PDLIM5: variants seen among roughly 807,000 people sequenced by gnomAD.
PDLIM5 encodes PDZ and LIM domain protein 5.
A neutral mutation model predicts 64.2 loss-of-function variants in PDLIM5; 34 were observed. The observed-to-expected ratio is 0.53, with a 90% confidence interval of 0.40 to 0.71. The LOEUF (loss-of-function observed/expected upper bound fraction) is 0.71, where lower values mean the gene tolerates loss of function less well. Ranked by LOEUF, PDLIM5 falls within the 30% of genes least tolerant of loss-of-function variation. The pLI is 0.00. For synonymous variants in PDLIM5, 253 were observed against 269.1 expected, an observed-to-expected ratio of 0.94 and a Z score of 0.59; for missense variants, 683 against 733.6, an observed-to-expected ratio of 0.93 and a Z score of 0.80.
chr4:94,567,033 G>C (rs551646336), intron 3 of PDLIM5, among the ~76,000 whole-genome samples: 1 of 152,220 alleles, frequency 6.6e-6, no homozygotes, highest in Non-Finnish European at 1.5e-5. Context: ...TCGCTCTGTC[G>C]CCCAGGCTGG....
At chr4:94,553,243 G>A (rs957636007) in intron 3 of PDLIM5, among the ~76,000 whole-genome samples, 1 of 151,924 alleles carries the variant, frequency 6.6e-6, no homozygotes, top group Non-Finnish European at 1.5e-5. Context: ...TGAGTACCTG[G>A]GATTACAGGT....
At chr4:94,501,795 A>G (rs1356199013) in intron 2 of PDLIM5, among the ~76,000 whole-genome samples, 3 of 152,146 alleles carry the variant, frequency 2.0e-5, no homozygotes, top group Non-Finnish European at 1.5e-5. Flanking sequence ...ATAGACTTCC[A>G]TCATCATTCA....
intron 3 of PDLIM5, among the ~76,000 whole-genome samples, chr4:94,557,814 G>A (rs1447969314): frequency 2.6e-5 from 4 of 152,148 alleles, no homozygotes; most frequent in African/African-American, 2.4e-5. Context: ...GGGCTGAGAC[G>A]ATGGAGTTTT....
intron 3 of PDLIM5, among the ~76,000 whole-genome samples, chr4:94,539,947 C>A (rs886668705): frequency 6.6e-6 from 1 of 151,902 alleles, no homozygotes; most frequent in Non-Finnish European, 1.5e-5. Flanking sequence ...TTTTGAATTT[C>A]ATTTCTAAGT....
chr4:94,665,363 TC>T lies in PDLIM5; in HGVS notation c.*1299del. On this transcript the variant is annotated 3_prime_UTR_variant, in exon 13 of 13. Transcript: ENST00000317968. ...TGGGCATGGTGGGGCGTGCCTGTAG[TC>T]CCATGTACTTGGGAGGCTGAGGCAG... 7.9e-6 allele frequency: 2 copies of T among 251,712 alleles called. No individual in the cohort carries two copies. The highest frequency in any genetic ancestry group is 1.4e-4 in the South Asian group (1 of 7,086). The allele number at this position is 251,712 out of a possible 1,614,324, so 15.6% of individuals were successfully genotyped here.
intron 2 of PDLIM5, chr4:94,456,548 TTC>T: frequency 1.4e-6 from 1 of 719,342 alleles, no homozygotes; most frequent in Non-Finnish European, 2.5e-6. Flanking sequence ...CCTGAGATCA[TTC>T]TCTATTAATA....
intron 3 of PDLIM5, among the ~76,000 whole-genome samples, chr4:94,557,337 T>C (rs572954577): frequency 9.9e-5 from 15 of 152,252 alleles, no homozygotes; most frequent in African/African-American, 3.4e-4. Context: ...AGTCAGGTAG[T>C]GTGATGCCTC....
intron 3 of PDLIM5, among the ~76,000 whole-genome samples, chr4:94,535,777 A>G (rs1421550324): frequency 6.6e-6 from 1 of 151,038 alleles, no homozygotes; most frequent in Non-Finnish European, 1.5e-5. Flanking sequence ...GGAAGTTCTC[A>G]TACCTGCTGT....
chr4:94,465,596 A>T lies in PDLIM5; in HGVS notation c.96+10212A>T, dbSNP rs144882805. Reference sequence around the variant, plus strand: ...TTGTATTTTTCTTTTTTTTCAGTAGAGACGGGGTTTCACCATGTTGGCTAG... The same window carrying T: ...TTGTATTTTTCTTTTTTTTCAGTAGTGACGGGGTTTCACCATGTTGGCTAG... On this transcript the variant is annotated intron_variant, in intron 2 of 12. Transcript: ENST00000317968. Among the ~76,000 whole-genome samples the T allele has an allele frequency of 6.9e-4, 105 of 151,942 alleles. 1 individual carries two copies. Among genetic ancestry groups the T allele is most frequent in the Middle Eastern group, 6.8e-3 (2 of 294 alleles).
intron 3 of PDLIM5, among the ~76,000 whole-genome samples, chr4:94,537,232 C>G (rs1366426829): frequency 1.3e-5 from 2 of 152,162 alleles, no homozygotes; most frequent in African/African-American, 4.8e-5. Context: ...TCAAATACCT[C>G]TCTTACAGTC....
chr4:94,586,518 C>A, intron 7 of PDLIM5, 74 bp downstream of exon 7: 2 of 878,420 alleles, frequency 2.3e-6, no homozygotes, highest in South Asian at 2.9e-5. Flanking sequence ...TTCAAATTGT[C>A]AAGTATAATG....
At chr4:94,623,851 C>A (rs940783594) in intron 8 of PDLIM5, among the ~76,000 whole-genome samples, 2 of 152,180 alleles carry the variant, frequency 1.3e-5, no homozygotes, top group Non-Finnish European at 2.9e-5. Flanking sequence ...AGAAAATAAG[C>A]ATGTTGCTAA....
At chr4:94,512,533 A>G (rs974410580) in intron 2 of PDLIM5, among the ~76,000 whole-genome samples, 2 of 152,126 alleles carry the variant, frequency 1.3e-5, no homozygotes, top group Non-Finnish European at 2.9e-5. Context: ...AGTGTTGAGC[A>G]CCTTTTCATA....
intron 1 of PDLIM5, among the ~76,000 whole-genome samples, chr4:94,454,023 A>G (rs1050810480): frequency 6.6e-6 from 1 of 152,182 alleles, no homozygotes; most frequent in Non-Finnish European, 1.5e-5. Context: ...AGAAGAAGGA[A>G]TGTTTGCTTT....
At chr4:94,468,855 A>G (rs1046730950) in intron 2 of PDLIM5, among the ~76,000 whole-genome samples, 7 of 152,212 alleles carry the variant, frequency 4.6e-5, no homozygotes, top group Admixed American at 4.6e-4. Flanking sequence ...GTCAACACAT[A>G]TTTATTGATC....
At chr4:94,530,820 G>A (rs1730810566) in intron 3 of PDLIM5, among the ~76,000 whole-genome samples, 1 of 151,976 alleles carries the variant, frequency 6.6e-6, no homozygotes, top group Non-Finnish European at 1.5e-5. Flanking sequence ...TAGGTACATT[G>A]GATTATAAGA....
chr4:94,666,315 C>G lies in PDLIM5; in HGVS notation c.*2248C>G. 3.2e-6 allele frequency: 1 copy of G among 312,988 alleles called. No homozygotes were observed. Among genetic ancestry groups the G allele is most frequent in the Non-Finnish European group, 5.8e-6 (1 of 172,138 alleles). 19.4% of individuals were successfully genotyped at this position (312,988 alleles called of 1,614,324 possible). ...GGGATAAAAGAATGGCAAGGGGTGA[C>G]ACAAAGTAGCAAACTGAATACTTCT... is the stretch of plus-strand genomic sequence containing the variant. On this transcript the variant is annotated 3_prime_UTR_variant, in exon 13 of 13. Transcript: ENST00000317968.
At chr4:94,481,410 A>G (rs751845730) in intron 2 of PDLIM5, among the ~76,000 whole-genome samples, 2 of 149,520 alleles carry the variant, frequency 1.3e-5, no homozygotes, top group Non-Finnish European at 3.0e-5. Context: ...CAGCCTCCTG[A>G]GTAGCTGGGA....
rs1743065185 is a variant in PDLIM5 at position 94,666,005 on chromosome 4, G to T, written c.*1938G>T. 6.5e-7 allele frequency: 1 copy of T among 1,533,556 alleles called. No individual in the cohort carries two copies. Among genetic ancestry groups the T allele is most frequent in the Admixed American group, 2.0e-5 (1 of 50,764 alleles). 95.0% of individuals were successfully genotyped at this position (1,533,556 alleles called of 1,614,324 possible). On this transcript the variant is annotated 3_prime_UTR_variant, in exon 13 of 13. Coordinates refer to ENST00000317968, the MANE Select transcript of PDLIM5 (RefSeq NM_006457.5). ...AAAACAGATTCTGGTATTTGATTTG[G>T]TTTTTCTCTTTGTTTCCAGAATGGA...
Sources: gnomAD v4.1 joint callset for allele counts (sites outside exome capture counted in the v4.1 genomes callset) on GRCh38, gnomAD v4.1.1 for gene constraint, MANE v1.5 for transcripts, NCBI Gene and HGNC (gene_info 2026-07-23, HGNC 2026-07-21) for gene names.